The following CRYM variants were observed in gnomAD, a reference collection of about 807,000 sequenced individuals.
CRYM encodes ketimine reductase mu-crystallin.
A neutral mutation model predicts 32.9 loss-of-function variants in CRYM; 18 were observed. That is an observed-to-expected ratio of 0.55 (90% confidence interval 0.38 to 0.81). The LOEUF (loss-of-function observed/expected upper bound fraction) is 0.81. Among genes scored for constraint, CRYM ranks in the 30% least tolerant of loss-of-function variants. CRYM has a pLI of 0.00. For missense variants in CRYM, 337 were observed against 393.5 expected, an observed-to-expected ratio of 0.86 and a Z score of 1.21; for synonymous variants, 153 against 152.4, an observed-to-expected ratio of 1.00 and a Z score of -0.03.
upstream of CRYM, chr16:21,278,383 A>T: frequency 8.5e-7 from 1 of 1,174,010 alleles, no homozygotes. Context: ...GGGGCGGAGC[A>T]ACCCCGCCCC....
intron 1 of CRYM, among the ~76,000 whole-genome samples, chr16:21,290,447 C>G (rs757312812): frequency 2.6e-5 from 4 of 152,142 alleles, no homozygotes; most frequent in Non-Finnish European, 4.4e-5. Context: ...ATCTGAACAT[C>G]TGAAGGAACA....
chr16:21,294,185 A>G (rs1481708845), intron 1 of CRYM, among the ~76,000 whole-genome samples: 2 of 152,198 alleles, frequency 1.3e-5, no homozygotes, highest in Admixed American at 6.5e-5. Flanking sequence ...AACAGTGGAT[A>G]GTTTTGTGAT....
At chr16:21,269,988 C>A (rs1252204704) in intron 3 of CRYM, 97 bp from the exon 4 acceptor site, 7 of 803,728 alleles carry the variant, frequency 8.7e-6, no homozygotes, top group East Asian at 2.5e-5. Context: ...TCTGCCCTCT[C>A]TTCTGCCTCC....
At chr16:21,289,600 T>A (rs1960564349) in intron 1 of CRYM, among the ~76,000 whole-genome samples, 1 of 152,176 alleles carries the variant, frequency 6.6e-6, no homozygotes, top group African/African-American at 2.4e-5. Flanking sequence ...GACATACTTC[T>A]ACCATTTTGT....
intron 1 of CRYM, among the ~76,000 whole-genome samples, chr16:21,287,667 A>G (rs2093409697): frequency 6.6e-6 from 1 of 152,188 alleles, no homozygotes; most frequent in Non-Finnish European, 1.5e-5. Flanking sequence ...TGAAGTCTTG[A>G]TACAAACTCT....
intron 1 of CRYM, among the ~76,000 whole-genome samples, chr16:21,295,476 T>C (rs1446308317): frequency 6.6e-6 from 1 of 152,188 alleles, no homozygotes; most frequent in East Asian, 1.9e-4. Context: ...GTCTTCTTTT[T>C]AGAAGTGTCT....
chr16:21,262,240 A>G, intron 5 of CRYM, 82 bp from the exon 6 acceptor site: 1 of 1,579,488 alleles, frequency 6.3e-7, no homozygotes, highest in Non-Finnish European at 8.7e-7. Context: ...AGAGAGGTGA[A>G]CAAAGGACTC....
chr16:21,278,089 G>T lies in CRYM; in HGVS notation c.163C>A (p.His55Asn). 6.5e-7 allele frequency: 1 copy of T among 1,545,470 alleles called. No individual in the cohort carries two copies. Residue 55 changes from histidine (H) to asparagine (N), a missense_variant, in exon 1 of 8, where the codon CAC (histidine) becomes AAC (asparagine). By Grantham distance (68) the His-to-Asn change is moderately conservative (BLOSUM62 1). Coordinates refer to ENST00000572914, the MANE Select transcript of CRYM (RefSeq NM_001376256.1). Reference sequence around the variant, plus strand: ...CCGACCCTCCTCACTCACCCCCTGTGCTTGGTCACCGGCACCACGGTGCGC... The same window carrying T: ...CCGACCCTCCTCACTCACCCCCTGTTCTTGGTCACCGGCACCACGGTGCGC... ...PVRTVVPVTK[H>N]RGYLGVMPAY...
At chr16:21,272,233 T>A (rs2093377057) in intron 3 of CRYM, among the ~76,000 whole-genome samples, 1 of 152,176 alleles carries the variant, frequency 6.6e-6, no homozygotes, top group Non-Finnish European at 1.5e-5. Context: ...CTCCTAAGCA[T>A]GCAGGTTATT....
At chr16:21,289,853 A>T (rs1385936405) in intron 1 of CRYM, among the ~76,000 whole-genome samples, 2 of 151,622 alleles carry the variant, frequency 1.3e-5, no homozygotes, top group African/African-American at 4.8e-5. Flanking sequence ...ACTGATTGCC[A>T]GCTGGGCTTC....
At chr16:21,287,475 G>C (rs2093409395) in intron 1 of CRYM, among the ~76,000 whole-genome samples, 2 of 152,162 alleles carry the variant, frequency 1.3e-5, no homozygotes, top group Admixed American at 1.3e-4. Context: ...TGCTAATAAA[G>C]TGACCCCAGG....
At chr16:21,298,804 C>T (rs936824491) in intron 1 of CRYM, among the ~76,000 whole-genome samples, 1 of 152,160 alleles carries the variant, frequency 6.6e-6, no homozygotes, top group Non-Finnish European at 1.5e-5. Context: ...TGAAATATCT[C>T]ATATTTATTT....
intron 5 of CRYM, among the ~76,000 whole-genome samples, chr16:21,265,902 G>A (rs763646455): frequency 2.6e-5 from 4 of 152,122 alleles, no homozygotes; most frequent in East Asian, 1.9e-4. Context: ...GAGTGCCTCC[G>A]TTCAAATCCC....
intron 1 of CRYM, among the ~76,000 whole-genome samples, chr16:21,289,029 T>C (rs1877814245): frequency 6.6e-6 from 1 of 152,154 alleles, no homozygotes; most frequent in Non-Finnish European, 1.5e-5. Context: ...TCCTGGATAA[T>C]TTTTTTATGT....
At chr16:21,297,399 A>G (rs1040732480) in intron 1 of CRYM, among the ~76,000 whole-genome samples, 3 of 152,184 alleles carry the variant, frequency 2.0e-5, no homozygotes, top group Non-Finnish European at 4.4e-5. Flanking sequence ...ATCTAAAAAA[A>G]AGAGAAAAGA....
chr16:21,289,623 A>G (rs1960567736), intron 1 of CRYM, among the ~76,000 whole-genome samples: 1 of 152,166 alleles, frequency 6.6e-6, no homozygotes, highest in Non-Finnish European at 1.5e-5. Flanking sequence ...TAAGAATGTC[A>G]TAAGAATTTA....
At chr16:21,276,388 CTAGA>C (rs1281720766) in intron 2 of CRYM, among the ~76,000 whole-genome samples, 4 of 152,152 alleles carry the variant, frequency 2.6e-5, no homozygotes, top group African/African-American at 9.7e-5. Context: ...TTGGGGAAAG[CTAGA>C]TATTCTCAAA....
intron 5 of CRYM, among the ~76,000 whole-genome samples, chr16:21,262,533 T>G (rs2093356436): frequency 6.6e-6 from 1 of 152,006 alleles, no homozygotes; most frequent in Non-Finnish European, 1.5e-5. Context: ...GCATGAGAAT[T>G]GCTTAAACCT....
intron 7 of CRYM, among the ~76,000 whole-genome samples, chr16:21,259,343 G>T (rs1301776138): frequency 6.6e-6 from 1 of 151,550 alleles, no homozygotes; most frequent in Non-Finnish European, 1.5e-5. Context: ...CCTGACCTCA[G>T]GCGATCCGCC....
Sources: allele counts gnomAD v4.1 joint callset (sites outside exome capture counted in the v4.1 genomes callset), GRCh38; gene constraint gnomAD v4.1.1; transcripts MANE v1.5; gene names NCBI Gene and HGNC (gene_info 2026-07-23, HGNC 2026-07-21).